The following FHIP1B variants were observed in gnomAD, a reference collection of about 807,000 sequenced individuals.
FHIP1B encodes the protein FHF complex subunit HOOK-interacting protein 1B.
A neutral mutation model predicts 82.2 loss-of-function variants in FHIP1B; 28 were observed. The ratio of observed to expected loss-of-function variants is 0.34; its 90% CI spans 0.25 to 0.47. The LOEUF (loss-of-function observed/expected upper bound fraction) is 0.47. Among genes scored for constraint, FHIP1B ranks in the 20% least tolerant of loss-of-function variants. The probability of loss-of-function intolerance (pLI) is 1.00; values close to 1 mark genes in which losing one functional copy is unlikely to be tolerated. For synonymous variants in FHIP1B, 585 were observed against 516.1 expected (o/e 1.13, Z -1.81); for missense variants, 1,110 against 1,262.6 (o/e 0.88, Z 1.83).
intron 1 of FHIP1B, among the ~76,000 whole-genome samples, chr11:6,228,628 A>C (rs1468983666): frequency 6.6e-6 from 1 of 152,244 alleles, no homozygotes; most frequent in Non-Finnish European, 1.5e-5. Flanking sequence ...AACATGAAGA[A>C]AGACAGAAGC....
rs762607657 is a variant in FHIP1B at position 6,223,656 on chromosome 11, C to T, written c.731G>A (p.Ser244Asn). The T allele has an allele frequency of 1.1e-5, 18 of 1,611,054 alleles. No homozygotes were observed. The South Asian group carries it at 2.0e-4, about 18-fold the overall frequency. The change falls in exon 3 of 12, where the codon AGC (serine) becomes AAC (asparagine). Residue 244 changes from serine (S) to asparagine (N), a missense_variant. This residue lies in a region of FHIP1B where 467 missense variants were observed against 602.9 expected (regional missense o/e 0.77). Transcript: ENST00000449352. This position sits in a 1 kb window ranked among gnomAD's most constrained non-coding sequence, Gnocchi z 4.8. ...CGCGATGTAGCGGCCCACAGTGGGG[C>T]TCCCAGCTGACAAAGCCATGAGAAG... ...LLLLMALSAGSPTVGRYIADH... is the reference protein window; with the variant it reads ...LLLLMALSAGNPTVGRYIADH...
Position 6,214,817 on chromosome 11 carries a change from C to T in FHIP1B, c.2310G>A (p.Leu770=), listed in dbSNP as rs200642542. Residue 770 remains leucine, a synonymous_variant, in exon 10 of 12, where the codon CTG becomes CTA. Transcript: ENST00000449352. ...GGAGCAGGGGCTGGGGGTGACAGGC[C>T]AGCTGGGCCACCAGCCCCGTCAGCA... is the stretch of plus-strand genomic sequence containing the variant. ...NFLLTGLVAQ[L]ACHPQPLLRS... 1.5e-4 allele frequency: 236 copies of T among 1,611,870 alleles called. 2 individuals carry two copies. The East Asian group carries it at 5.2e-3, about 35-fold the overall frequency.
intron 1 of FHIP1B, among the ~76,000 whole-genome samples, chr11:6,228,670 C>T (rs2133841412): frequency 6.6e-6 from 1 of 152,314 alleles, no homozygotes; most frequent in South Asian, 2.1e-4. Flanking sequence ...CCCCACCCCA[C>T]CTTCCCTCCC....
At chr11:6,222,744 T>G in intron 5 of FHIP1B, 67 bp downstream of exon 5, 1 of 1,562,990 alleles carries the variant, frequency 6.4e-7, no homozygotes, top group Non-Finnish European at 8.8e-7. Flanking sequence ...CCTCCTACGT[T>G]AGTCCTGTCA....
Position 6,231,489 on chromosome 11 carries a change from T to C in FHIP1B, c.-192+3055A>G, listed in dbSNP as rs202019359. Reference sequence around the variant, plus strand: ...ATTTTCTTTTTTTTTTTTTTTTTTTTCTTGAGGTGGGGCCTCTGTCACCCA... The same window carrying C: ...ATTTTCTTTTTTTTTTTTTTTTTTTCCTTGAGGTGGGGCCTCTGTCACCCA... On this transcript the variant is annotated intron_variant, in intron 1 of 11. Coordinates refer to ENST00000449352, the MANE Select transcript of FHIP1B (RefSeq NM_001098794.2). 1.2e-3 allele frequency among the ~76,000 whole-genome samples: 168 copies of C among 145,050 alleles called. No individual in the cohort carries two copies. In the East Asian group the frequency reaches 0.032, roughly 28 times the overall value.
In FHIP1B at chr11:6,217,413, G is replaced by T. The variant is rs2133797722; in HGVS notation, c.2173C>A (p.Pro725Thr). 3 of 1,614,112 alleles carry T rather than the reference G, an allele frequency of 1.9e-6. No homozygotes were observed. Among genetic ancestry groups the T allele is most frequent in the South Asian group, 1.1e-5 (1 of 91,084 alleles). The part of the protein sequence containing the change: ...PEPPGPFLSS[P>T]LRTLNQLPSQ... ...GGCAGCTGGTTGAGAGTCCGCAAAG[G>T]GCTGCTGAGGAAGGGGCCAGGGGGC... Residue 725 changes from proline to threonine, a missense_variant, in exon 9 of 12, where the codon CCT (proline) becomes ACT (threonine). Pro to Thr is a conservative substitution (Grantham distance 38). Around this residue, in one of 6 missense-constraint regions of FHIP1B, gnomAD observed 418 missense variants for 371.4 expected, o/e 1.13. Coordinates refer to ENST00000449352, the MANE Select transcript of FHIP1B (RefSeq NM_001098794.2).
intron 4 of FHIP1B, 25 bp from the exon 5 acceptor site, chr11:6,222,922 G>C (rs750479652): frequency 1.0e-4 from 164 of 1,610,576 alleles, no homozygotes; most frequent in Non-Finnish European, 1.4e-4. Flanking sequence ...GAGAGAAGGG[G>C]GAGGGTTATG....
At position 6,223,332 on chromosome 11, in the gene FHIP1B, A is replaced by C; in HGVS notation, c.778-94T>G. 1 of 1,321,098 alleles carries C rather than the reference A, an allele frequency of 7.6e-7. No individual in the cohort carries two copies. The highest frequency in any genetic ancestry group is 1.0e-6 in the Non-Finnish European group (1 of 959,854). The allele number at this position is 1,321,098 out of a possible 1,614,324, so 81.8% of individuals were successfully genotyped here. On this transcript the variant is annotated intron_variant, in intron 3 of 11. Coordinates refer to ENST00000449352, the MANE Select transcript of FHIP1B (RefSeq NM_001098794.2). The surrounding 1 kb of genome is among the most constrained non-coding windows in gnomAD (Gnocchi z 4.8). The stretch of plus-strand genomic sequence containing the variant: ...CTAGTAATCCAGAGTTTTGATGGGA[A>C]TAGGGGTATAAGCTATTACCAAAGC...
Position 6,218,685 on chromosome 11 carries a change from A to G in FHIP1B, c.1350T>C (p.Ala450=). Residue 450 remains alanine, a synonymous_variant, in exon 8 of 12, where the codon GCT becomes GCC. Coordinates refer to ENST00000449352, the MANE Select transcript of FHIP1B (RefSeq NM_001098794.2). The part of the protein sequence containing the change: ...VRDVDLYGRA[A]DKFLSLIPRC... ...GTGGGATTAGGGAGAGAAACTTGTC[A>G]GCTGCTCGTCCATATAGGTCCACAT... 3 of 1,614,178 alleles carry G rather than the reference A, an allele frequency of 1.9e-6. No homozygotes were observed. The highest frequency in any genetic ancestry group is 2.5e-6 in the Non-Finnish European group (3 of 1,180,020).
intron 8 of FHIP1B, 137 bp downstream of exon 8, chr11:6,218,463 T>C (rs911371923): frequency 8.0e-6 from 11 of 1,369,516 alleles, no homozygotes; most frequent in Non-Finnish European, 1.1e-5. Context: ...GACACCCTCA[T>C]CAACCTCCCC....
Position 6,211,787 on chromosome 11 carries a change from A to C in FHIP1B, c.2638T>G (p.Leu880Val). ...SPTRARQAAQ[L>V]VLQPGRDGAG... Reference sequence around the variant, plus strand: ...CCGTCTCGCCCAGGCTGAAGGACCAATTGTGCCGCCTGCCGGGCCCTGGTT... The same window carrying C: ...CCGTCTCGCCCAGGCTGAAGGACCACTTGTGCCGCCTGCCGGGCCCTGGTT... Residue 880 changes from leucine to valine, a missense_variant, in exon 12 of 12, where the codon TTG (leucine) becomes GTG (valine). Leu to Val is a conservative substitution (Grantham distance 32, BLOSUM62 1). Around this residue, in one of 6 missense-constraint regions of FHIP1B, gnomAD observed 147 missense variants for 154.0 expected, o/e 0.95. Coordinates refer to ENST00000449352, the MANE Select transcript of FHIP1B (RefSeq NM_001098794.2). 1 of 1,613,866 alleles carries C rather than the reference A, an allele frequency of 6.2e-7. No individual in the cohort carries two copies. The highest frequency in any genetic ancestry group is 8.5e-7 in the Non-Finnish European group (1 of 1,179,888).
In FHIP1B at chr11:6,218,126, G is replaced by C. The variant is rs112171346; in HGVS notation, c.1460C>G (p.Ser487Cys). ...ARGPGSPSVD[S>C]SSVTTVPRPS... ...CCGGGGTACTGTCGTCACAGAAGAG[G>C]AGTCCACACTTGGGCTTCCAGGACC... Residue 487 changes from serine to cysteine, a missense_variant, in exon 9 of 12, where the codon TCC becomes TGC. Ser to Cys is a moderately radical substitution (Grantham distance 112, BLOSUM62 -1). Around this residue, in one of 6 missense-constraint regions of FHIP1B, gnomAD observed 418 missense variants for 371.4 expected, o/e 1.13. Transcript: ENST00000449352. The C allele has an allele frequency of 1.0e-4, 168 of 1,612,548 alleles. 2 individuals are homozygous for C. In the African/African-American group the frequency reaches 1.7e-3, roughly 16 times the overall value.
At chr11:6,213,487 C>T (rs1759041127) in intron 11 of FHIP1B, among the ~76,000 whole-genome samples, 1 of 152,198 alleles carries the variant, frequency 6.6e-6, no homozygotes, top group South Asian at 2.1e-4. Context: ...CCTTTAGGAC[C>T]TTGCTCCTTC....
intron 6 of FHIP1B, among the ~76,000 whole-genome samples, chr11:6,220,367 C>A (rs949473549): frequency 2.0e-5 from 3 of 152,058 alleles, no homozygotes; most frequent in Admixed American, 6.5e-5. Context: ...ACAGACCCCA[C>A]CCCCCAAAAT....
At chr11:6,231,403 T>C (rs939913059) in intron 1 of FHIP1B, among the ~76,000 whole-genome samples, 1 of 151,902 alleles carries the variant, frequency 6.6e-6, no homozygotes, top group African/African-American at 2.4e-5. Context: ...TAAACATGTA[T>C]ACTTGGAATA....
At chr11:6,216,855 T>G in intron 9 of FHIP1B, 3 of 573,408 alleles carry the variant, frequency 5.2e-6, no homozygotes, top group East Asian at 2.8e-5. Context: ...TTTGAAGAGG[T>G]GGGGAGGAAG....
rs1265854239 is a variant in FHIP1B, at chr11:6,214,710, CCATG to C, written c.2394+19_2394+22del. ...GGCCCACCACGGAGCCTGGACGCACCCATGCATGCATGCATCGCACACCTGCAGC... is the reference window on the plus strand; with the variant it reads ...GGCCCACCACGGAGCCTGGACGCACCCATGCATGCATCGCACACCTGCAGC... On this transcript the variant is annotated intron_variant, in intron 10 of 11. Coordinates refer to ENST00000449352, the MANE Select transcript of FHIP1B (RefSeq NM_001098794.2). 5 of 1,554,796 alleles carry C rather than the reference CCATG, an allele frequency of 3.2e-6. No homozygotes were observed. Among genetic ancestry groups the C allele is most frequent in the Non-Finnish European group, 3.5e-6 (4 of 1,146,966 alleles).
intron 1 of FHIP1B, among the ~76,000 whole-genome samples, chr11:6,231,434 T>C (rs1847694296): frequency 6.6e-6 from 1 of 151,292 alleles, no homozygotes; most frequent in Non-Finnish European, 1.5e-5. Context: ...TGACACTAGA[T>C]ACAAAGGAGT....
chr11:6,213,453 C>T (rs1216735766), intron 11 of FHIP1B, among the ~76,000 whole-genome samples: 5 of 152,170 alleles, frequency 3.3e-5, no homozygotes, highest in Non-Finnish European at 5.9e-5. Flanking sequence ...TTTTCTATTG[C>T]TCTCAATCCC....
Sources: allele counts gnomAD v4.1 joint callset (sites outside exome capture counted in the v4.1 genomes callset), GRCh38; gene constraint gnomAD v4.1.1; regional missense constraint gnomAD v4.1.1; non-coding constraint Gnocchi (gnomAD v3.1); transcripts MANE v1.5; gene names NCBI Gene and HGNC (gene_info 2026-07-23, HGNC 2026-07-21).